ACTN2: variants seen among roughly 807,000 people sequenced by gnomAD.
ACTN2 encodes the protein actinin alpha 2, also known as alpha-actinin-2.
In ACTN2, 39 loss-of-function variants were observed where a neutral mutation model predicts 113.8. That is an observed-to-expected ratio of 0.34 (90% CI 0.27 to 0.45). ACTN2 has a LOEUF of 0.45. Among genes scored for constraint, ACTN2 ranks in the 20% least tolerant of loss-of-function variants. ACTN2 has a pLI of 1.00. For missense variants in ACTN2, 992 were observed against 1,177.9 expected, an observed-to-expected ratio of 0.84 and a Z score of 2.31; for synonymous variants, 429 against 444.1, an observed-to-expected ratio of 0.97 and a Z score of 0.43.
rs758914570 is a variant in ACTN2, at chr1:236,744,705, G to A, written c.1335G>A (p.Glu445=). The A allele has an allele frequency of 2.5e-6, 4 of 1,614,208 alleles. No homozygotes were observed. The highest frequency in any genetic ancestry group is 1.3e-5 in the African/African-American group (1 of 75,076). Reference sequence around the variant, plus strand: ...TGCGGGCTCTGCTGCGGAAGCACGAGGCGTTCGAGAGCGACCTGGCAGCGC... The same window carrying A: ...TGCGGGCTCTGCTGCGGAAGCACGAAGCGTTCGAGAGCGACCTGGCAGCGC... ...TEVRALLRKH[E]AFESDLAAHQ... Residue 445 remains glutamate, a synonymous_variant, in exon 12 of 21, where the codon GAG becomes GAA. Coordinates refer to ENST00000366578, the MANE Select transcript of ACTN2 (RefSeq NM_001103.4).
At chr1:236,695,964 A>G (rs890634666) in intron 1 of ACTN2, among the ~76,000 whole-genome samples, 7 of 152,174 alleles carry the variant, frequency 4.6e-5, no homozygotes, top group Non-Finnish European at 8.8e-5. Flanking sequence ...GAAAAGACCT[A>G]TATTTTATTA....
Position 236,741,677 on chromosome 1 carries a change from C to T in ACTN2, c.1108-1219C>T, listed in dbSNP as rs77170066. Among the ~76,000 whole-genome samples, 1,348 of 152,278 alleles carry T rather than the reference C, an allele frequency of 8.9e-3. 26 individuals are homozygous for T. The highest frequency in any genetic ancestry group is 0.03 in the African/African-American group (1,229 of 41,558). ...ATCCCCTTCTCTTTACCTCCACGGCCACTGGCCTATCCTAAGCCACCATTC... is the reference window on the plus strand; with the variant it reads ...ATCCCCTTCTCTTTACCTCCACGGCTACTGGCCTATCCTAAGCCACCATTC... On this transcript the variant is annotated intron_variant, in intron 10 of 20. Coordinates refer to ENST00000366578, the MANE Select transcript of ACTN2 (RefSeq NM_001103.4).
intron 4 of ACTN2, among the ~76,000 whole-genome samples, chr1:236,722,423 T>A (rs1162108129): frequency 6.6e-6 from 1 of 151,848 alleles, no homozygotes; most frequent in Non-Finnish European, 1.5e-5. Context: ...GATCATGAGG[T>A]CAGCAGTTCG....
At chr1:236,753,572 G>C (rs1659464255) in intron 15 of ACTN2, among the ~76,000 whole-genome samples, 1 of 152,172 alleles carries the variant, frequency 6.6e-6, no homozygotes, top group African/African-American at 2.4e-5. Context: ...AGTGTTCCCT[G>C]CATCCAAGTT....
chr1:236,749,476 T>C (rs1659331853), intron 14 of ACTN2, among the ~76,000 whole-genome samples: 1 of 152,146 alleles, frequency 6.6e-6, no homozygotes, highest in Non-Finnish European at 1.5e-5. Context: ...TAATGGTGAA[T>C]GTGTCTCAGA....
At position 236,739,316 on chromosome 1, in the gene ACTN2, T is replaced by TCGTC; in HGVS notation, c.892_895dup (p.Arg299ProfsTer85). ...TTGCGGAGCAGCTTTTGGAATGGAT[T>TCGTC]CGTCGCACGATCCCCTGGCTGGAGA... On this transcript the variant is annotated frameshift_variant, in exon 10 of 21. Coordinates refer to ENST00000366578, the MANE Select transcript of ACTN2 (RefSeq NM_001103.4). LOFTEE classifies it high-confidence loss of function. The TCGTC allele has an allele frequency of 6.2e-7, 1 of 1,613,974 alleles. No homozygotes were observed. Among genetic ancestry groups the TCGTC allele is most frequent in the Non-Finnish European group, 8.5e-7 (1 of 1,179,992 alleles).
Position 236,725,990 on chromosome 1 carries a change from G to T in ACTN2, c.506G>T (p.Arg169Ile). The change falls in exon 5 of 21, where the codon AGA (arginine) becomes ATA (isoleucine). Residue 169 changes from arginine to isoleucine, a missense_variant. By Grantham distance (97) the Arg-to-Ile change is moderately conservative. This residue lies in a region of ACTN2 where 220 missense variants were observed against 337.5 expected (regional missense o/e 0.65). Coordinates refer to ENST00000366578, the MANE Select transcript of ACTN2 (RefSeq NM_001103.4). ...TGTCAGAGGAAAACTGCTCCTTATA[G>T]AAATGTGAACATTCAGAACTTCCAT... is the stretch of plus-strand genomic sequence containing the variant. ...LWCQRKTAPY[R>I]NVNIQNFHTS... The T allele has an allele frequency of 6.2e-7, 1 of 1,614,186 alleles. No individual in the cohort carries two copies. Among genetic ancestry groups the T allele is most frequent in the Non-Finnish European group, 8.5e-7 (1 of 1,180,018 alleles).
intron 1 of ACTN2, among the ~76,000 whole-genome samples, chr1:236,691,371 A>G (rs374490481): frequency 2.0e-5 from 3 of 151,886 alleles, no homozygotes; most frequent in African/African-American, 7.3e-5. Context: ...AGCCGGGTGC[A>G]GTGGCTCATG....
rs1436519267 is a variant in ACTN2 at position 236,762,647 on chromosome 1, A to G, written c.*28A>G. ...CTGAGCTTCTGTAATCACTCATCCC[A>G]TCAGAATGCAATAAAAGCGGAAGTC... On this transcript the variant is annotated 3_prime_UTR_variant, in exon 21 of 21. Transcript: ENST00000366578. 1.2e-6 allele frequency: 2 copies of G among 1,611,126 alleles called. No individual in the cohort carries two copies. Among genetic ancestry groups the G allele is most frequent in the South Asian group, 2.2e-5 (2 of 90,602 alleles).
At position 236,731,287 on chromosome 1, in the gene ACTN2, G is replaced by A; in HGVS notation, c.670G>A (p.Asp224Asn). The A allele has an allele frequency of 6.2e-7, 1 of 1,613,852 alleles. No individual in the cohort carries two copies. Among genetic ancestry groups the A allele is most frequent in the Non-Finnish European group, 8.5e-7 (1 of 1,179,772 alleles). ...CATGGAAATCGCTGAGAAGCACCTG[G>A]ATATTCCTAAAATGTTGGATGCTGA... is the stretch of plus-strand genomic sequence containing the variant. ...LAMEIAEKHL[D>N]IPKMLDAEDI... Residue 224 changes from aspartate to asparagine, a missense_variant, in exon 7 of 21, where the codon GAT becomes AAT. By Grantham distance (23) the Asp-to-Asn change is conservative. This residue lies in a region of ACTN2 where 220 missense variants were observed against 337.5 expected (regional missense o/e 0.65). Transcript: ENST00000366578.
intron 15 of ACTN2, among the ~76,000 whole-genome samples, chr1:236,753,639 G>A: frequency 6.6e-6 from 1 of 152,164 alleles, no homozygotes; most frequent in East Asian, 1.9e-4. Flanking sequence ...CAGGCCTAGA[G>A]CCTCTGGCTG....
Position 236,739,538 on chromosome 1 carries a change from T to C in ACTN2, c.1107+6T>C. Reference sequence around the variant, plus strand: ...CCGAGGGCAAGATGGTGTCGGTGAGTAGCAAGCGCCAAGCCCTCCTGGCGC... The same window carrying C: ...CCGAGGGCAAGATGGTGTCGGTGAGCAGCAAGCGCCAAGCCCTCCTGGCGC... On this transcript the variant is annotated splice_donor_region_variant and intron_variant, in intron 10 of 20. Coordinates refer to ENST00000366578, the MANE Select transcript of ACTN2 (RefSeq NM_001103.4). 6.2e-7 allele frequency: 1 copy of C among 1,613,846 alleles called. No homozygotes were observed. The highest frequency in any genetic ancestry group is 1.1e-5 in the South Asian group (1 of 91,040).
rs369560444 is a variant in ACTN2, at chr1:236,751,517, G to A, written c.1704G>A (p.Ala568=). 266 of 1,614,004 alleles carry A rather than the reference G, an allele frequency of 1.6e-4. No homozygotes were observed. Among genetic ancestry groups the A allele is most frequent in the Non-Finnish European group, 1.9e-4 (230 of 1,180,028 alleles). Residue 568 remains alanine (A), a synonymous_variant, in exon 15 of 21, where the codon GCG becomes GCA. Transcript: ENST00000366578. ...HEQFKATLPE[A]DGERQSIMAI... ...AGTTCAAGGCCACGCTGCCCGAGGC[G>A]GACGGAGAGCGGCAGTCCATCATGG...
intron 11 of ACTN2, among the ~76,000 whole-genome samples, chr1:236,743,629 A>G (rs1027978873): frequency 7.2e-5 from 11 of 151,892 alleles, no homozygotes; most frequent in African/African-American, 1.7e-4. Flanking sequence ...AGGCAGAAGA[A>G]TAAAGCATTT....
At chr1:236,734,654 C>A in intron 7 of ACTN2, 2 of 622,588 alleles carry the variant, frequency 3.2e-6, no homozygotes, top group Non-Finnish European at 5.5e-6. Context: ...AGTTGTTTGT[C>A]TTTTTTAGTC....
At chr1:236,760,697 C>T (rs1450392864) in intron 19 of ACTN2, among the ~76,000 whole-genome samples, 2 of 152,188 alleles carry the variant, frequency 1.3e-5, no homozygotes, top group African/African-American at 2.4e-5. Context: ...GAGGAAAGGG[C>T]TCAGCTCCCG....
At chr1:236,697,988 G>C (rs1441009979) in intron 1 of ACTN2, among the ~76,000 whole-genome samples, 3 of 143,542 alleles carry the variant, frequency 2.1e-5, no homozygotes, top group Non-Finnish European at 4.5e-5. Context: ...TCATCAGGCT[G>C]GTCTTGAGCT....
chr1:236,758,118 G>T lies in ACTN2; in HGVS notation c.2301+486G>T, dbSNP rs74721186. Among the ~76,000 whole-genome samples, 427 of 151,902 alleles carry T rather than the reference G, an allele frequency of 2.8e-3. 3 individuals carry two copies. Among genetic ancestry groups the T allele is most frequent in the African/African-American group, 9.7e-3 (403 of 41,366 alleles). On this transcript the variant is annotated intron_variant, in intron 18 of 20. Transcript: ENST00000366578. ...TTTAAGGACATGCAGCAATAAAATGGTGATAATTTTTGTAGTAAAAGCATA... is the reference window on the plus strand; with the variant it reads ...TTTAAGGACATGCAGCAATAAAATGTTGATAATTTTTGTAGTAAAAGCATA...
chr1:236,734,565 T>C (rs1197289922), intron 7 of ACTN2: 1 of 1,387,900 alleles, frequency 7.2e-7, no homozygotes. Flanking sequence ...ACCTTCTGTG[T>C]CTTAATTTTT....
Sources: gnomAD v4.1 joint callset for allele counts (sites outside exome capture counted in the v4.1 genomes callset) on GRCh38, gnomAD v4.1.1 for gene constraint, gnomAD v4.1.1 regional missense constraint, MANE v1.5 for transcripts, NCBI Gene and HGNC (gene_info 2026-07-23, HGNC 2026-07-21) for gene names.